The following GDA variants were observed in gnomAD, a reference collection of about 807,000 sequenced individuals.
GDA encodes the protein guanine deaminase.
A neutral mutation model predicts 59.6 loss-of-function variants in GDA; 18 were observed. That is an observed-to-expected ratio of 0.30 (90% CI 0.21 to 0.45). The LOEUF (loss-of-function observed/expected upper bound fraction) is 0.45, where lower values mean the gene tolerates loss of function less well. Among genes scored for constraint, GDA ranks in the 20% least tolerant of loss-of-function variants. The pLI is 1.00. For missense variants in GDA, 427 were observed against 552.3 expected, an observed-to-expected ratio of 0.77 and a Z score of 2.27; for synonymous variants, 201 against 201.1, an observed-to-expected ratio of 1.00 and a Z score of 0.00.
chr9:72,232,802 A>C (rs908407478), intron 10 of GDA, among the ~76,000 whole-genome samples: 1 of 152,210 alleles, frequency 6.6e-6, no homozygotes, highest in Non-Finnish European at 1.5e-5. Flanking sequence ...AGTAGTTTTT[A>C]GTCAAGGATT....
intron 1 of GDA, among the ~76,000 whole-genome samples, chr9:72,191,533 G>A (rs1442390962): frequency 1.3e-5 from 2 of 150,682 alleles, no homozygotes; most frequent in Admixed American, 6.6e-5. Flanking sequence ...CTGCAGTGGT[G>A]CTATCTTGGC....
At chr9:72,181,882 C>G (rs1334504483) in intron 1 of GDA, among the ~76,000 whole-genome samples, 2 of 152,058 alleles carry the variant, frequency 1.3e-5, no homozygotes, top group African/African-American at 4.8e-5. Flanking sequence ...ATTTTTAATT[C>G]ATTAAAAAAT....
upstream of GDA, chr9:72,149,333 G>T (rs1826844206): frequency 1.9e-6 from 1 of 540,542 alleles, no homozygotes; most frequent in Admixed American, 3.7e-5. Flanking sequence ...CCACGGGAGC[G>T]CGGAGCCAAC....
chr9:72,133,970 T>C (rs1393267983), intron 1 of GDA, among the ~76,000 whole-genome samples: 1 of 152,188 alleles, frequency 6.6e-6, no homozygotes, highest in Non-Finnish European at 1.5e-5. Flanking sequence ...CACATTGAAC[T>C]CTCCCTGTGT....
chr9:72,145,655 G>A (rs964022032), upstream of GDA, among the ~76,000 whole-genome samples: 1 of 152,184 alleles, frequency 6.6e-6, no homozygotes, highest in Non-Finnish European at 1.5e-5. Context: ...TTTAGAACAC[G>A]ATGATCCCAC....
chr9:72,180,007 T>A (rs1261926795), intron 1 of GDA, among the ~76,000 whole-genome samples: 1 of 149,862 alleles, frequency 6.7e-6, no homozygotes, highest in East Asian at 2.0e-4. Context: ...CATATTAAAT[T>A]GGGGTGGGAG....
intron 1 of GDA, among the ~76,000 whole-genome samples, chr9:72,125,275 C>CTTCCTTCCTTCA (rs1480178828): frequency 1.3e-5 from 2 of 151,840 alleles, no homozygotes; most frequent in Non-Finnish European, 2.9e-5. Flanking sequence ...GAGAAGGATC[C>CTTCCTTCCTTCA]TTCCTTCCTT....
At chr9:72,143,182 T>C (rs1202421125) in intron 1 of GDA, among the ~76,000 whole-genome samples, 1 of 145,932 alleles carries the variant, frequency 6.9e-6, no homozygotes, top group South Asian at 2.2e-4. Flanking sequence ...CAGGCTGGAG[T>C]GCAATGGCGC....
intron 1 of GDA, among the ~76,000 whole-genome samples, chr9:72,136,364 A>G (rs1826224839): frequency 6.6e-6 from 1 of 152,232 alleles, no homozygotes; most frequent in Non-Finnish European, 1.5e-5. Context: ...CAATGTTCTC[A>G]TTATGTGATT....
At chr9:72,194,295 C>G (rs911886891) in intron 1 of GDA, 4 of 152,144 alleles carry the variant, frequency 2.6e-5, no homozygotes, top group Admixed American at 2.0e-4. Flanking sequence ...GCTGGTTATT[C>G]AGGGCCCAAG....
At chr9:72,158,363 G>A (rs1294952636) in intron 1 of GDA, among the ~76,000 whole-genome samples, 3 of 152,096 alleles carry the variant, frequency 2.0e-5, no homozygotes, top group Non-Finnish European at 4.4e-5. Context: ...GGAGGCCGAG[G>A]TGGGCTCATC....
At chr9:72,179,725 A>C (rs1020329204) in intron 1 of GDA, among the ~76,000 whole-genome samples, 1 of 152,204 alleles carries the variant, frequency 6.6e-6, no homozygotes, top group Non-Finnish European at 1.5e-5. Flanking sequence ...GAAGTCCAAG[A>C]TCAAGGAATC....
chr9:72,217,445 A>G (rs572624121), intron 5 of GDA, among the ~76,000 whole-genome samples: 1 of 152,360 alleles, frequency 6.6e-6, no homozygotes, highest in South Asian at 2.1e-4. Flanking sequence ...CTCAAGATGT[A>G]TTAACACACT....
intron 3 of GDA, among the ~76,000 whole-genome samples, chr9:72,206,383 G>C (rs1399670530): frequency 6.6e-6 from 1 of 151,214 alleles, no homozygotes; most frequent in African/African-American, 2.4e-5. Context: ...TTTTTGCCGT[G>C]TATACTATAT....
intron 1 of GDA, among the ~76,000 whole-genome samples, chr9:72,191,369 A>G (rs972442445): frequency 6.6e-6 from 1 of 152,230 alleles, no homozygotes; most frequent in Non-Finnish European, 1.5e-5. Context: ...GACAATGGAA[A>G]TATGAAATAA....
intron 4 of GDA, among the ~76,000 whole-genome samples, chr9:72,211,737 G>A (rs1242906330): frequency 6.6e-6 from 1 of 152,222 alleles, no homozygotes; most frequent in Non-Finnish European, 1.5e-5. Context: ...AAGGACACAG[G>A]TATGGGAACA....
intron 11 of GDA, among the ~76,000 whole-genome samples, chr9:72,242,075 T>C (rs992001391): frequency 6.6e-6 from 1 of 152,176 alleles, no homozygotes; most frequent in African/African-American, 2.4e-5. Flanking sequence ...CCACTGTTAT[T>C]CATTTCGTTT....
chr9:72,249,334 T>A lies in GDA; in HGVS notation c.*992T>A. On this transcript the variant is annotated 3_prime_UTR_variant, in exon 14 of 14. Coordinates refer to ENST00000358399, the MANE Select transcript of GDA (RefSeq NM_004293.5). ...GTTGTAGTTTCTGGAAATTCCATAC[T>A]CAGATATCAGTCTGCTAGAACTTTA... 1 of 978,258 alleles carries A rather than the reference T, an allele frequency of 1.0e-6. No homozygotes were observed. Among genetic ancestry groups the A allele is most frequent in the Non-Finnish European group, 1.2e-6 (1 of 823,372 alleles). 60.6% of individuals were successfully genotyped at this position (978,258 alleles called of 1,614,324 possible).
At chr9:72,217,395 C>G (rs534413626) in intron 5 of GDA, among the ~76,000 whole-genome samples, 19 of 152,292 alleles carry the variant, frequency 1.2e-4, no homozygotes, top group African/African-American at 3.9e-4. Context: ...CTCCCTTAAT[C>G]ACACATTGTT....
Sources: gnomAD v4.1 joint callset for allele counts (sites outside exome capture counted in the v4.1 genomes callset) on GRCh38, gnomAD v4.1.1 for gene constraint, MANE v1.5 for transcripts, NCBI Gene and HGNC (gene_info 2026-07-23, HGNC 2026-07-21) for gene names.